Variants in MYBPC2 observed in about 807,000 individuals in gnomAD.
MYBPC2 encodes myosin binding protein C2.
A neutral mutation model predicts 137.0 loss-of-function variants in MYBPC2; 122 were observed. That is an observed-to-expected ratio of 0.89 (90% confidence interval 0.77 to 1.03). The LOEUF (loss-of-function observed/expected upper bound fraction) is 1.03, where lower values mean the gene tolerates loss of function less well. MYBPC2 is among the 50% of genes least tolerant of loss of function. MYBPC2 has a pLI of 0.00. For synonymous variants in MYBPC2, 626 were observed against 612.3 expected, an observed-to-expected ratio of 1.02 and a Z score of -0.33; for missense variants, 1,500 against 1,534.4, an observed-to-expected ratio of 0.98 and a Z score of 0.37.
rs1025081903 is a variant in MYBPC2, at chr19:50,443,445, G to A, written c.903-49G>A. 3.1e-6 allele frequency: 5 copies of A among 1,596,570 alleles called. No homozygotes were observed. In the African/African-American group the frequency reaches 4.0e-5, roughly 13 times the overall value. The stretch of plus-strand genomic sequence containing the variant: ...AACAGGTAAGCAGAGCTACCCCAGG[G>A]ATAGGTGGATGCTCCACGCCCTGGT... On this transcript the variant is annotated intron_variant, in intron 9 of 27. Coordinates refer to ENST00000357701, the MANE Select transcript of MYBPC2 (RefSeq NM_004533.4).
chr19:50,455,113 C>A lies in MYBPC2; in HGVS notation c.2020C>A (p.Leu674Ile), dbSNP rs2039896506. The A allele has an allele frequency of 1.2e-6, 2 of 1,611,826 alleles. No homozygotes were observed. Among genetic ancestry groups the A allele is most frequent in the African/African-American group, 2.7e-5 (2 of 74,942 alleles). Residue 674 changes from leucine to isoleucine, a missense_variant, in exon 19 of 28, where the codon CTC becomes ATC. Coordinates refer to ENST00000357701, the MANE Select transcript of MYBPC2 (RefSeq NM_004533.4). ...YDGGKPVTGY[L>I]VERKKKGSQR... ...TCTCTGCTTGGAGCCTCCAGGGTAC[C>A]TCGTAGAGCGGAAGAAGAAGGGCTC...
Position 50,459,317 on chromosome 19 carries a change from TG to T in MYBPC2, c.2791+15del. The stretch of plus-strand genomic sequence containing the variant: ...GCATCCGCGTTGTGGGTGCGCGCGC[TG>T]GGGAGGGCCCCTGGAGGCCGGGAGG... On this transcript the variant is annotated intron_variant, in intron 23 of 27. Transcript: ENST00000357701. The T allele has an allele frequency of 7.2e-7, 1 of 1,390,844 alleles. No homozygotes were observed. 86.2% of individuals were successfully genotyped at this position (1,390,844 alleles called of 1,614,324 possible).
rs989544513 is a variant in MYBPC2, at chr19:50,435,898, G to A, written c.196+36G>A. 7.1e-6 allele frequency: 11 copies of A among 1,555,752 alleles called. No homozygotes were observed. Among genetic ancestry groups the A allele is most frequent in the Middle Eastern group, 1.7e-4 (1 of 5,994 alleles). ...CCCGGGGGAGGAGGGGCTGCGGCCC[G>A]GACTCCTGGGTCTGAGGGAGGAGGG... is the stretch of plus-strand genomic sequence containing the variant. On this transcript the variant is annotated intron_variant, in intron 3 of 27. Transcript: ENST00000357701. This position sits in a 1 kb window ranked among gnomAD's most constrained non-coding sequence, Gnocchi z 4.8.
At chr19:50,442,423 G>T (rs73054427) in intron 9 of MYBPC2, 110 bp downstream of exon 9, 34,293 of 1,444,202 alleles carry the variant, frequency 0.024, 480 homozygotes, top group Non-Finnish European at 0.029. Flanking sequence ...ACCCCTATAT[G>T]AAGAGTACAG....
Position 50,461,920 on chromosome 19 carries a change from G to A in MYBPC2, c.3112G>A (p.Glu1038Lys), listed in dbSNP as rs754195476. Reference protein sequence around the residue: ...LKTGITFKPFEYKEHDFRMAP... With the variant: ...LKTGITFKPFKYKEHDFRMAP... Reference sequence around the variant, plus strand: ...CCCAGGAATCACCTTCAAACCGTTCGAGTATAAGGAGCATGACTTCCGGAT... The same window carrying A: ...CCCAGGAATCACCTTCAAACCGTTCAAGTATAAGGAGCATGACTTCCGGAT... Residue 1038 changes from glutamate (E) to lysine (K), a missense_variant, in exon 26 of 28, where the codon GAG becomes AAG. Physicochemically the swap from Glu to Lys is moderately conservative, Grantham distance 56. Coordinates refer to ENST00000357701, the MANE Select transcript of MYBPC2 (RefSeq NM_004533.4). The A allele has an allele frequency of 9.4e-6, 15 of 1,597,090 alleles. No individual in the cohort carries two copies. The highest frequency in any genetic ancestry group is 1.1e-5 in the South Asian group (1 of 88,150).
chr19:50,451,387 G>A (rs2122600296), intron 15 of MYBPC2, 78 bp downstream of exon 15: 1 of 1,514,570 alleles, frequency 6.6e-7, no homozygotes, highest in Non-Finnish European at 9.1e-7. Flanking sequence ...ATGGCCGAGG[G>A]AGGATAGGCA....
At chr19:50,437,767 G>A (rs2039717649) in intron 7 of MYBPC2, 49 bp downstream of exon 7, 9 of 1,562,240 alleles carry the variant, frequency 5.8e-6, no homozygotes, top group South Asian at 1.2e-5. Context: ...TCAAGGGGAG[G>A]AGGTGGTGGG....
Position 50,458,579 on chromosome 19 carries a change from C to G in MYBPC2, c.2339-8C>G. The G allele has an allele frequency of 6.2e-7, 1 of 1,610,646 alleles. No individual in the cohort carries two copies. The highest frequency in any genetic ancestry group is 8.5e-7 in the Non-Finnish European group (1 of 1,179,804). On this transcript the variant is annotated splice_region_variant and splice_polypyrimidine_tract_variant and intron_variant, in intron 20 of 27. Transcript: ENST00000357701. ...CACGAGATCCGCCAGCAGGGCCTCT[C>G]TCTCCAGCCGAGGAATGGGTCCCTG... is the stretch of plus-strand genomic sequence containing the variant.
chr19:50,445,324 C>T (rs183590898), intron 11 of MYBPC2, among the ~76,000 whole-genome samples: 14 of 152,106 alleles, frequency 9.2e-5, no homozygotes, highest in Admixed American at 5.2e-4. Context: ...TGACTTCCAG[C>T]CAATACCTTG....
Position 50,459,253 on chromosome 19 carries a change from G to T in MYBPC2, c.2738G>T (p.Ser913Ile). The T allele has an allele frequency of 6.2e-7, 1 of 1,611,246 alleles. No homozygotes were observed. The highest frequency in any genetic ancestry group is 8.5e-7 in the Non-Finnish European group (1 of 1,179,508). The change falls in exon 23 of 28, where the codon AGC becomes ATC. Residue 913 changes from serine to isoleucine, a missense_variant. Physicochemically the swap from Ser to Ile is moderately radical, Grantham distance 142. Transcript: ENST00000357701. The stretch of plus-strand genomic sequence containing the variant: ...TCCGACTCCGGGGAGTACGAGCTGA[G>T]CGTGCAGATCGAGAACATGAAGGAC... ...ARSDSGEYEL[S>I]VQIENMKDTA... is the part of the protein sequence containing the mutation.
rs2039973180 is a variant in MYBPC2 at position 50,461,690 on chromosome 19, T to A, written c.3080T>A (p.Ile1027Asn). The change falls in exon 25 of 28, where the codon ATC becomes AAC. Residue 1027 changes from isoleucine (I) to asparagine (N), a missense_variant. Physicochemically the swap from Ile to Asn is moderately radical, Grantham distance 149. Transcript: ENST00000357701. The stretch of plus-strand genomic sequence containing the variant: ...GGTGTCTCCAAGAACACGGCCCGCA[T>A]CCTCAAGACAGGTACAGCCATCCTG... ...SPGVSKNTAR[I>N]LKTGITFKPF... is the part of the protein sequence containing the mutation. 1.9e-6 allele frequency: 3 copies of A among 1,611,906 alleles called. No individual in the cohort carries two copies. The Admixed American group carries it at 5.0e-5, about 27-fold the overall frequency.
At chr19:50,434,723 G>T (rs1208558237) in intron 1 of MYBPC2, among the ~76,000 whole-genome samples, 2 of 152,220 alleles carry the variant, frequency 1.3e-5, no homozygotes, top group Admixed American at 1.3e-4. Flanking sequence ...AGCAGGCTGT[G>T]GGGTGGGTCC....
chr19:50,442,434 G>T, intron 9 of MYBPC2, 121 bp downstream of exon 9: 1 of 1,366,774 alleles, frequency 7.3e-7, no homozygotes, highest in Non-Finnish European at 9.7e-7. Flanking sequence ...AAGAGTACAG[G>T]CCGGGCACAG....
At chr19:50,442,758 G>A (rs757317817) in intron 9 of MYBPC2, among the ~76,000 whole-genome samples, 5 of 151,860 alleles carry the variant, frequency 3.3e-5, no homozygotes, top group Admixed American at 6.6e-5. Flanking sequence ...CACATCACAA[G>A]ACAACCTTTT....
At chr19:50,461,727 A>G in intron 25 of MYBPC2, 26 bp downstream of exon 25, 1 of 1,610,182 alleles carries the variant, frequency 6.2e-7, no homozygotes, top group Non-Finnish European at 8.5e-7. Flanking sequence ...CCCACAGCCC[A>G]GGCCCACCCC....
chr19:50,450,895 C>G lies in MYBPC2; in HGVS notation c.1539C>G (p.Asp513Glu). 1 of 1,577,822 alleles carries G rather than the reference C, an allele frequency of 6.3e-7. No homozygotes were observed. The highest frequency in any genetic ancestry group is 8.6e-7 in the Non-Finnish European group (1 of 1,162,152). ...AGGGAGACTACACGTTTGTGCCTGA[C>G]GGCTACGCCCTGTCGCTCTCGGCCA... ...EDEGDYTFVP[D>E]GYALSLSAKL... Residue 513 changes from aspartate to glutamate, a missense_variant, in exon 14 of 28, where the codon GAC becomes GAG. Asp to Glu is a conservative substitution (Grantham distance 45, BLOSUM62 2). Transcript: ENST00000357701.
chr19:50,462,354 T>C (rs1007080224), intron 26 of MYBPC2, among the ~76,000 whole-genome samples: 3 of 152,006 alleles, frequency 2.0e-5, no homozygotes, highest in Non-Finnish European at 4.4e-5. Context: ...GGCCAGCTAA[T>C]TTTATAATTT....
chr19:50,452,066 G>A (rs960796114), intron 16 of MYBPC2, 63 bp downstream of exon 16: 5 of 1,491,466 alleles, frequency 3.4e-6, no homozygotes, highest in Admixed American at 2.0e-5. Flanking sequence ...CTTTCCCCCT[G>A]AGCCTGAGTT....
chr19:50,466,107 C>G lies in MYBPC2; in HGVS notation c.3416-88C>G. 1 of 1,571,434 alleles carries G rather than the reference C, an allele frequency of 6.4e-7. No homozygotes were observed. Among genetic ancestry groups the G allele is most frequent in the Non-Finnish European group, 8.7e-7 (1 of 1,150,800 alleles). On this transcript the variant is annotated intron_variant, in intron 27 of 27. Transcript: ENST00000357701. The surrounding 1 kb of genome is among the most constrained non-coding windows in gnomAD (Gnocchi z 4.9). The stretch of plus-strand genomic sequence containing the variant: ...TGGTGACCGTCATCCTGTCCCCCTG[C>G]TGGTCATGTGGATGCAGCTCCTCCT...
Sources: allele counts gnomAD v4.1 joint callset (sites outside exome capture counted in the v4.1 genomes callset), GRCh38; gene constraint gnomAD v4.1.1; non-coding constraint Gnocchi (gnomAD v3.1); transcripts MANE v1.5; gene names NCBI Gene and HGNC (gene_info 2026-07-23, HGNC 2026-07-21).